The following ELOVL2 variants were observed in gnomAD, a reference collection of about 807,000 sequenced individuals.
ELOVL2 encodes the protein very long chain fatty acid elongase 2.
In ELOVL2, 38 loss-of-function variants were observed where a neutral mutation model predicts 37.7. That is an observed-to-expected ratio of 1.01 (90% confidence interval 0.78 to 1.32). The LOEUF is 1.32. Ranked by LOEUF, ELOVL2 falls within the 40% of genes most tolerant of loss-of-function variation. The probability of loss-of-function intolerance (pLI) is 0.00; values close to 1 mark genes in which losing one functional copy is unlikely to be tolerated. For synonymous variants in ELOVL2, 115 were observed against 122.3 expected (o/e 0.94, Z 0.40); for missense variants, 352 against 363.6 (o/e 0.97, Z 0.26).
At chr6:10,998,419 A>T (rs576810968) in intron 4 of ELOVL2, among the ~76,000 whole-genome samples, 2 of 152,208 alleles carry the variant, frequency 1.3e-5, no homozygotes, top group Non-Finnish European at 2.9e-5. Flanking sequence ...AGGCAAGATA[A>T]ATGTTTAATT....
Position 11,005,403 on chromosome 6 carries a change from A to T in ELOVL2, c.224T>A (p.Ile75Asn), listed in dbSNP as rs1281206765. ...RGILTLYNLG[I>N]TLLSAYMLAE... ...CAGCATGTACGCGGAGAGAAGTGTG[A>T]TTCCAAGATTATACAAGGTGAGGAT... Residue 75 changes from isoleucine to asparagine, a missense_variant, in exon 3 of 8, where the codon ATC becomes AAC. Physicochemically the swap from Ile to Asn is moderately radical, Grantham distance 149. Coordinates refer to ENST00000354666, the MANE Select transcript of ELOVL2 (RefSeq NM_017770.4). The T allele has an allele frequency of 4.3e-6, 7 of 1,613,844 alleles. No homozygotes were observed. Among genetic ancestry groups the T allele is most frequent in the South Asian group, 3.3e-5 (3 of 91,006 alleles).
chr6:11,036,317 A>C (rs1026748391), intron 1 of ELOVL2, among the ~76,000 whole-genome samples: 3 of 152,232 alleles, frequency 2.0e-5, no homozygotes, highest in South Asian at 4.1e-4. Context: ...TGGCTTCCAA[A>C]ATATAGTGAA....
At chr6:11,031,654 G>A (rs1782931862) in intron 1 of ELOVL2, among the ~76,000 whole-genome samples, 1 of 152,008 alleles carries the variant, frequency 6.6e-6, no homozygotes, top group Non-Finnish European at 1.5e-5. Flanking sequence ...GAAAAAATCT[G>A]TATGGTGTCT....
At chr6:11,003,692 T>C (rs1782429157) in intron 3 of ELOVL2, among the ~76,000 whole-genome samples, 1 of 152,188 alleles carries the variant, frequency 6.6e-6, no homozygotes, top group Admixed American at 6.5e-5. Context: ...TCTTGCTAAC[T>C]CATCTAGGGA....
chr6:11,022,544 G>A (rs1327183611), intron 1 of ELOVL2, among the ~76,000 whole-genome samples: 1 of 152,148 alleles, frequency 6.6e-6, no homozygotes, highest in African/African-American at 2.4e-5. Context: ...ACAGGTACAG[G>A]GAATTTGTGA....
chr6:11,026,266 TAAAG>T, intron 1 of ELOVL2, among the ~76,000 whole-genome samples: 1 of 152,288 alleles, frequency 6.6e-6, no homozygotes, highest in South Asian at 2.1e-4. Flanking sequence ...TTAGAAAAGT[TAAAG>T]AAGGAGATGT....
rs376639413 is a variant in ELOVL2 at position 11,029,223 on chromosome 6, CAAAAAAAAAA to C, written c.3+14995_3+15004del. ...AGCCCGGGGCGACAGAGGGAGATCTCAAAAAAAAAAAAAAAAAAAAAAAAAGGTAGGCTGG... is the reference window on the plus strand; with the variant it reads ...AGCCCGGGGCGACAGAGGGAGATCTCAAAAAAAAAAAAAAAGGTAGGCTGG... On this transcript the variant is annotated intron_variant, in intron 1 of 7. Transcript: ENST00000354666. 2.0e-3 allele frequency among the ~76,000 whole-genome samples: 149 copies of C among 75,776 alleles called. 1 individual carries two copies. Among genetic ancestry groups the C allele is most frequent in the Non-Finnish European group, 3.2e-3 (118 of 36,400 alleles). 49.7% of individuals were successfully genotyped at this position (75,776 alleles called of 152,430 possible).
intron 7 of ELOVL2, among the ~76,000 whole-genome samples, chr6:10,987,296 C>T (rs1782069437): frequency 6.6e-6 from 1 of 152,084 alleles, no homozygotes; most frequent in African/African-American, 2.4e-5. Context: ...TTTCAAAAAA[C>T]CAGCTCCTGG....
chr6:11,014,927 T>G (rs1782647191), intron 1 of ELOVL2, among the ~76,000 whole-genome samples: 1 of 152,238 alleles, frequency 6.6e-6, no homozygotes, highest in African/African-American at 2.4e-5. Flanking sequence ...TGAACGCAAA[T>G]ATTCATAGCA....
Position 11,044,282 on chromosome 6 carries a change from C to T in ELOVL2, c.-52G>A. The T allele has an allele frequency of 1.6e-6, 2 of 1,284,658 alleles. No homozygotes were observed. The highest frequency in any genetic ancestry group is 2.0e-6 in the Non-Finnish European group (2 of 1,016,562). 79.6% of individuals were successfully genotyped at this position (1,284,658 alleles called of 1,614,324 possible). A position where few individuals can be genotyped will look rare whatever the true frequency, so the allele number is the denominator to read the frequency against. On this transcript the variant is annotated 5_prime_UTR_variant, in exon 1 of 8. Coordinates refer to ENST00000354666, the MANE Select transcript of ELOVL2 (RefSeq NM_017770.4). This position sits in a 1 kb window ranked among gnomAD's most constrained non-coding sequence, Gnocchi z 5.6. ...CCCGGGCGGGCGGCGATGCGCTGTC[C>T]AGGGTAGCCGGGTCCCTCTGCCCGG... is the stretch of plus-strand genomic sequence containing the variant.
chr6:11,037,060 GAGAT>G (rs200476441), intron 1 of ELOVL2, among the ~76,000 whole-genome samples: 52 of 115,512 alleles, frequency 4.5e-4, no homozygotes, highest in African/African-American at 9.8e-4. Context: ...GAGAGGGAAA[GAGAT>G]AGAGAGGCAG....
At chr6:11,018,108 A>C (rs2113535774) in intron 1 of ELOVL2, among the ~76,000 whole-genome samples, 1 of 152,312 alleles carries the variant, frequency 6.6e-6, no homozygotes, top group African/African-American at 2.4e-5. Flanking sequence ...TTTTCTTCCA[A>C]AGAACACAGA....
At chr6:10,996,089 C>T (rs1283458039) in intron 4 of ELOVL2, among the ~76,000 whole-genome samples, 3 of 151,554 alleles carry the variant, frequency 2.0e-5, no homozygotes, top group Non-Finnish European at 4.4e-5. Context: ...GGAGACATTT[C>T]TTTAGTTAAA....
At chr6:11,010,840 GT>G in intron 1 of ELOVL2, 31 bp from the exon 2 acceptor site, 3 of 1,560,848 alleles carry the variant, frequency 1.9e-6, no homozygotes, top group Non-Finnish European at 1.7e-6. Context: ...TGATTTAAGT[GT>G]TTTTTTCTTC....
Position 11,029,223 on chromosome 6 carries a change from C to CAAAAAAAAAAA in ELOVL2, c.3+14994_3+15004dup, listed in dbSNP as rs376639413. ...AGCCCGGGGCGACAGAGGGAGATCT[C>CAAAAAAAAAAA]AAAAAAAAAAAAAAAAAAAAAAAAA... On this transcript the variant is annotated intron_variant, in intron 1 of 7. Coordinates refer to ENST00000354666, the MANE Select transcript of ELOVL2 (RefSeq NM_017770.4). 3.3e-3 allele frequency among the ~76,000 whole-genome samples: 249 copies of CAAAAAAAAAAA among 75,748 alleles called. 20 individuals carry two copies. The highest frequency in any genetic ancestry group is 0.012 in the African/African-American group (232 of 19,258). The allele number at this position is 75,748 out of a possible 152,430, so 49.7% of individuals were successfully genotyped here. A position where few individuals can be genotyped will look rare whatever the true frequency, so the allele number is the denominator to read the frequency against.
intron 1 of ELOVL2, among the ~76,000 whole-genome samples, chr6:11,017,415 G>A (rs929602303): frequency 2.6e-5 from 4 of 152,248 alleles, no homozygotes; most frequent in East Asian, 3.9e-4. Context: ...TGATCTCTGC[G>A]GATCTCAAGC....
At chr6:10,999,220 TA>T (rs1288042035) in intron 4 of ELOVL2, among the ~76,000 whole-genome samples, 1 of 152,222 alleles carries the variant, frequency 6.6e-6, no homozygotes, top group Non-Finnish European at 1.5e-5. Context: ...TTCCAACTTT[TA>T]GGGGGCGGCT....
intron 4 of ELOVL2, among the ~76,000 whole-genome samples, chr6:10,999,539 C>A (rs997750722): frequency 2.0e-5 from 3 of 152,046 alleles, no homozygotes; most frequent in Non-Finnish European, 4.4e-5. Flanking sequence ...CCATGCCTGG[C>A]TAATTTTTGT....
intron 7 of ELOVL2, among the ~76,000 whole-genome samples, chr6:10,987,574 AC>A (rs1467782484): frequency 2.6e-5 from 4 of 152,160 alleles, no homozygotes; most frequent in Non-Finnish European, 1.5e-5. Context: ...GTTTCAAAGA[AC>A]ATCTTTCTTT....
Sources: allele counts gnomAD v4.1 joint callset (sites outside exome capture counted in the v4.1 genomes callset), GRCh38; gene constraint gnomAD v4.1.1; non-coding constraint Gnocchi (gnomAD v3.1); transcripts MANE v1.5; gene names NCBI Gene and HGNC (gene_info 2026-07-23, HGNC 2026-07-21).